The following FHIT variants were observed in gnomAD, a reference collection of about 807,000 sequenced individuals.
FHIT encodes bis(5'-adenosyl)-triphosphatase.
Under a neutral mutation model 17.9 loss-of-function variants are expected in FHIT, and 19 were observed. The ratio of observed to expected loss-of-function variants is 1.06; its 90% CI spans 0.74 to 1.56. FHIT has a LOEUF of 1.56. FHIT is among the 40% of genes most tolerant of loss of function. The pLI, the probability that FHIT is intolerant of heterozygous loss-of-function variation, is 0.00. For missense variants in FHIT, 248 were observed against 189.2 expected, an observed-to-expected ratio of 1.31 and a Z score of -1.82; for synonymous variants, 81 against 69.7, an observed-to-expected ratio of 1.16 and a Z score of -0.81.
intron 3 of FHIT, among the ~76,000 whole-genome samples, chr3:60,962,580 T>C (rs1244854030): frequency 1.3e-5 from 2 of 152,206 alleles, no homozygotes; most frequent in Non-Finnish European, 2.9e-5. Flanking sequence ...CATAGATAGC[T>C]TGCATTATTT....
At chr3:59,762,474 C>T (rs1246532349) in intron 8 of FHIT, among the ~76,000 whole-genome samples, 2 of 152,098 alleles carry the variant, frequency 1.3e-5, no homozygotes, top group African/African-American at 4.8e-5. Context: ...ACATGGATAA[C>T]TCAGAGTGGT....
At chr3:60,617,184 A>AAC (rs1553676279) in intron 4 of FHIT, 1 of 202,210 alleles carries the variant, frequency 4.9e-6, no homozygotes, top group East Asian at 1.2e-4. Context: ...TAAAAGCTAT[A>AAC]ACACACACTC....
intron 3 of FHIT, among the ~76,000 whole-genome samples, chr3:60,922,915 T>G (rs1707359146): frequency 6.6e-6 from 1 of 152,240 alleles, no homozygotes; most frequent in African/African-American, 2.4e-5. Flanking sequence ...TTTCAGCATG[T>G]GGTATAACTA....
chr3:60,925,411 T>A (rs1300731489), intron 3 of FHIT, among the ~76,000 whole-genome samples: 1 of 152,190 alleles, frequency 6.6e-6, no homozygotes, highest in Non-Finnish European at 1.5e-5. Context: ...ATATTCAACA[T>A]TCTTAAAGAA....
intron 5 of FHIT, among the ~76,000 whole-genome samples, chr3:60,419,103 C>T (rs553514403): frequency 3.9e-5 from 6 of 152,256 alleles, no homozygotes; most frequent in African/African-American, 4.8e-5. Flanking sequence ...GAACATGTGC[C>T]GTGCAGTCAG....
intron 4 of FHIT, among the ~76,000 whole-genome samples, chr3:60,662,040 G>A (rs1553691276): frequency 6.6e-6 from 1 of 152,102 alleles, no homozygotes; most frequent in East Asian, 1.9e-4. Context: ...CTGTGCAGAA[G>A]CTTTTTAGTT....
At chr3:61,205,891 C>T (rs1022288234) in intron 1 of FHIT, among the ~76,000 whole-genome samples, 2 of 149,692 alleles carry the variant, frequency 1.3e-5, no homozygotes, top group African/African-American at 5.0e-5. Flanking sequence ...GAAGTCCTTG[C>T]CCATGCCTAT....
At chr3:60,879,407 A>G (rs2107117788) in intron 3 of FHIT, among the ~76,000 whole-genome samples, 1 of 152,332 alleles carries the variant, frequency 6.6e-6, no homozygotes, top group African/African-American at 2.4e-5. Context: ...AGATCCAACT[A>G]CAGGTGAAAG....
chr3:60,046,475 G>A (rs548853586), intron 5 of FHIT, among the ~76,000 whole-genome samples: 17 of 152,270 alleles, frequency 1.1e-4, no homozygotes, highest in Non-Finnish European at 1.2e-4. Context: ...AGAAGTTTGC[G>A]CAGCACCTGT....
intron 4 of FHIT, among the ~76,000 whole-genome samples, chr3:60,635,697 G>A (rs1004876116): frequency 6.6e-6 from 1 of 152,090 alleles, no homozygotes; most frequent in African/African-American, 2.4e-5. Context: ...ACTTGCCTAA[G>A]ACTGCATAGT....
intron 5 of FHIT, among the ~76,000 whole-genome samples, chr3:60,314,080 C>T (rs1446792404): frequency 1.3e-5 from 2 of 149,382 alleles, no homozygotes; most frequent in South Asian, 2.2e-4. Context: ...TTAAAAGGCT[C>T]GCTTTCACAC....
chr3:61,122,059 C>T (rs906671273), intron 2 of FHIT, among the ~76,000 whole-genome samples: 1 of 152,024 alleles, frequency 6.6e-6, no homozygotes, highest in African/African-American at 2.4e-5. Context: ...CAATCCTAAG[C>T]CAAAAGAACA....
intron 5 of FHIT, among the ~76,000 whole-genome samples, chr3:60,066,229 G>C (rs1423978727): frequency 2.6e-5 from 4 of 152,082 alleles, no homozygotes; most frequent in African/African-American, 9.7e-5. Context: ...TAAAATGTAA[G>C]TCAAACTCAG....
At chr3:61,064,019 C>T (rs1412571124) in intron 2 of FHIT, among the ~76,000 whole-genome samples, 1 of 152,056 alleles carries the variant, frequency 6.6e-6, no homozygotes, top group African/African-American at 2.4e-5. Context: ...TTCTCAGGTA[C>T]CTGCAGGTGG....
At chr3:60,688,725 T>C (rs145760657) in intron 4 of FHIT, among the ~76,000 whole-genome samples, 15 of 152,232 alleles carry the variant, frequency 9.9e-5, no homozygotes, top group African/African-American at 3.6e-4. Context: ...AGCCCCTGTG[T>C]CCGGCCATGG....
intron 5 of FHIT, among the ~76,000 whole-genome samples, chr3:60,198,301 G>A (rs1702738090): frequency 6.6e-6 from 1 of 152,098 alleles, no homozygotes; most frequent in South Asian, 2.1e-4. Flanking sequence ...ACTAACCTAA[G>A]TGCATATAAA....
At chr3:60,674,557 T>G (rs2040579337) in intron 4 of FHIT, among the ~76,000 whole-genome samples, 1 of 152,212 alleles carries the variant, frequency 6.6e-6, no homozygotes, top group Admixed American at 6.5e-5. Flanking sequence ...GAAATTACAT[T>G]TCTAAAATAT....
chr3:60,411,595 T>C (rs1369260998), intron 5 of FHIT, among the ~76,000 whole-genome samples: 2 of 152,210 alleles, frequency 1.3e-5, no homozygotes, highest in African/African-American at 4.8e-5. Context: ...CAGCTGAACG[T>C]TGTTTATTTC....
chr3:60,353,958 CT>C (rs1218743793), intron 5 of FHIT, among the ~76,000 whole-genome samples: 1 of 152,068 alleles, frequency 6.6e-6, no homozygotes, highest in African/African-American at 2.4e-5. Context: ...TTTATCCTAT[CT>C]ATTCTACTTC....
Sources: allele counts gnomAD v4.1 joint callset (sites outside exome capture counted in the v4.1 genomes callset), GRCh38; gene constraint gnomAD v4.1.1; transcripts MANE v1.5; gene names NCBI Gene and HGNC (gene_info 2026-07-23, HGNC 2026-07-21).